The following CPNE5 variants were observed in gnomAD, a reference collection of about 807,000 sequenced individuals.
CPNE5 encodes the protein copine 5.
A neutral mutation model predicts 81.1 loss-of-function variants in CPNE5; 42 were observed. The ratio of observed to expected loss-of-function variants is 0.52; its 90% CI spans 0.40 to 0.67. The LOEUF is 0.67. CPNE5 is among the 30% of genes least tolerant of loss of function. The pLI, the probability that CPNE5 is intolerant of heterozygous loss-of-function variation, is 0.00. For synonymous variants in CPNE5, 313 were observed against 321.5 expected (o/e 0.97, Z 0.28); for missense variants, 612 against 815.5 (o/e 0.75, Z 3.04).
intron 9 of CPNE5, among the ~76,000 whole-genome samples, chr6:36,775,572 C>T (rs576955806): frequency 1.3e-5 from 2 of 152,250 alleles, no homozygotes; most frequent in South Asian, 2.1e-4. Flanking sequence ...TTCTCTCCTC[C>T]GCTTCCATCT....
At chr6:36,799,923 T>C (rs779616633) in intron 4 of CPNE5, 44 bp downstream of exon 4, 15 of 1,414,646 alleles carry the variant, frequency 1.1e-5, no homozygotes, top group Non-Finnish European at 1.4e-5. Flanking sequence ...GCCAGCAATC[T>C]TCCTCCCCAC....
chr6:36,745,266 G>T, intron 17 of CPNE5, 116 bp from the exon 18 acceptor site: 1 of 1,428,804 alleles, frequency 7.0e-7, no homozygotes, highest in Non-Finnish European at 9.6e-7. Flanking sequence ...ATCTCTTCAG[G>T]GTCAGGGCTC....
chr6:36,806,905 A>G (rs1295534820), intron 3 of CPNE5, among the ~76,000 whole-genome samples: 1 of 152,228 alleles, frequency 6.6e-6, no homozygotes, highest in Non-Finnish European at 1.5e-5. Context: ...CTCAGGGGCC[A>G]TGGCCCCCCA....
At position 36,745,449 on chromosome 6, in the gene CPNE5, G is replaced by T; in HGVS notation, c.1267C>A (p.Leu423Met). 1 of 1,604,552 alleles carries T rather than the reference G, an allele frequency of 6.2e-7. No individual in the cohort carries two copies. Residue 423 changes from leucine to methionine, a missense_variant, in exon 17 of 21, where the codon CTG (leucine) becomes ATG (methionine). Physicochemically the swap from Leu to Met is conservative, Grantham distance 15 (BLOSUM62 2). Coordinates refer to ENST00000244751, the MANE Select transcript of CPNE5 (RefSeq NM_020939.2). ...GGGCCGTACAGCTGCACAGTGCGCA[G>T]GCTGCGGTGGTAGGCCTCCAGGATG... ...DGILEAYHRS[L>M]RTVQLYGPTN... is the part of the protein sequence containing the mutation.
chr6:36,838,819 G>T, intron 1 of CPNE5: 1 of 888,944 alleles, frequency 1.1e-6, no homozygotes, highest in Non-Finnish European at 1.3e-6. Context: ...GTGAGGGGAG[G>T]ATCAGGATGC....
intron 3 of CPNE5, among the ~76,000 whole-genome samples, chr6:36,813,331 G>A (rs1484816906): frequency 6.6e-6 from 1 of 152,192 alleles, no homozygotes; most frequent in Admixed American, 6.5e-5. Context: ...AGGAGTTCAA[G>A]ACCAGCCTGC....
At chr6:36,819,129 G>C (rs2150579753) in intron 3 of CPNE5, among the ~76,000 whole-genome samples, 1 of 152,312 alleles carries the variant, frequency 6.6e-6, no homozygotes, top group African/African-American at 2.4e-5. Context: ...CTGAGACAGG[G>C]TCTCGCTCTG....
intron 8 of CPNE5, among the ~76,000 whole-genome samples, chr6:36,781,864 C>G (rs941100325): frequency 6.6e-6 from 1 of 152,184 alleles, no homozygotes; most frequent in African/African-American, 2.4e-5. Flanking sequence ...ACAGAGGTGA[C>G]CCGCAGTGGC....
chr6:36,801,272 T>C (rs946070811), intron 3 of CPNE5, among the ~76,000 whole-genome samples: 1 of 152,168 alleles, frequency 6.6e-6, no homozygotes, highest in Non-Finnish European at 1.5e-5. Context: ...AAATACAGAT[T>C]GTGGAGGGCC....
chr6:36,837,341 G>A (rs142194235), intron 1 of CPNE5, among the ~76,000 whole-genome samples: 1 of 152,232 alleles, frequency 6.6e-6, no homozygotes, highest in African/African-American at 2.4e-5. Context: ...GGAAACTGAG[G>A]CTTAAAATTT....
intron 11 of CPNE5, among the ~76,000 whole-genome samples, chr6:36,764,714 G>A (rs144373219): frequency 5.3e-5 from 8 of 152,196 alleles, no homozygotes; most frequent in African/African-American, 1.7e-4. Context: ...AGCAGCCAGG[G>A]ACAGCCCTAC....
chr6:36,756,788 T>C (rs35126624), intron 12 of CPNE5, among the ~76,000 whole-genome samples: 2,826 of 152,286 alleles, frequency 0.019, 52 homozygotes, highest in Non-Finnish European at 0.029. Flanking sequence ...CCATCCCTCT[T>C]ACTTGGCAGC....
chr6:36,830,095 T>C (rs1277079440), intron 1 of CPNE5, among the ~76,000 whole-genome samples: 2 of 152,188 alleles, frequency 1.3e-5, no homozygotes, highest in African/African-American at 4.8e-5. Flanking sequence ...GCTCCCATTC[T>C]ATAGGCAAGG....
At chr6:36,784,946 G>GA in intron 8 of CPNE5, among the ~76,000 whole-genome samples, 1 of 82,644 alleles carries the variant, frequency 1.2e-5, no homozygotes, top group African/African-American at 6.4e-5. Flanking sequence ...AAGAGAGAGA[G>GA]AGGAAAAAAA....
intron 9 of CPNE5, among the ~76,000 whole-genome samples, 180 bp downstream of exon 9, chr6:36,778,674 C>G (rs1438458305): frequency 6.6e-6 from 1 of 152,206 alleles, no homozygotes; most frequent in African/African-American, 2.4e-5. Flanking sequence ...CCACCGACCA[C>G]ACCTAGGTGC....
chr6:36,827,552 C>T (rs1772611214), intron 1 of CPNE5: 4 of 985,320 alleles, frequency 4.1e-6, no homozygotes, highest in Middle Eastern at 5.2e-4. Flanking sequence ...GTTGAGACAC[C>T]GTCTCTTAGG....
In CPNE5 at chr6:36,753,109, G is replaced by C. The variant is rs748459771; in HGVS notation, c.910-14C>G. ...AAGCAGGGTGACCTTCAAAACAAAA[G>C]GGAGCTTGGTCAGTGGGGAGCCTGG... is the stretch of plus-strand genomic sequence containing the variant. On this transcript the variant is annotated splice_polypyrimidine_tract_variant and intron_variant, in intron 13 of 20. Coordinates refer to ENST00000244751, the MANE Select transcript of CPNE5 (RefSeq NM_020939.2). The C allele has an allele frequency of 8.1e-6, 13 of 1,611,938 alleles. No individual in the cohort carries two copies. The highest frequency in any genetic ancestry group is 1.1e-5 in the Non-Finnish European group (13 of 1,178,258).
intron 1 of CPNE5, chr6:36,827,705 T>C: frequency 1.0e-6 from 1 of 985,338 alleles, no homozygotes; most frequent in Non-Finnish European, 1.2e-6. Context: ...AATGAGTCAC[T>C]TGCCCACAAG....
At chr6:36,778,183 G>T (rs1449981641) in intron 9 of CPNE5, among the ~76,000 whole-genome samples, 1 of 152,226 alleles carries the variant, frequency 6.6e-6, no homozygotes, top group Non-Finnish European at 1.5e-5. Flanking sequence ...GGCTGCTGGG[G>T]AAGACCTAGG....
Sources: allele counts gnomAD v4.1 joint callset (sites outside exome capture counted in the v4.1 genomes callset), GRCh38; gene constraint gnomAD v4.1.1; transcripts MANE v1.5; gene names NCBI Gene and HGNC (gene_info 2026-07-23, HGNC 2026-07-21).